Variants in ASB4 observed in about 807,000 individuals in gnomAD.
ASB4 encodes the protein ankyrin repeat and SOCS box protein 4.
In ASB4, 35 loss-of-function variants were observed where a neutral mutation model predicts 38.6. The ratio of observed to expected loss-of-function variants is 0.91; its 90% CI spans 0.69 to 1.20. ASB4 has a LOEUF of 1.20. ASB4 is among the 50% of genes most tolerant of loss of function. The pLI is 0.00. For missense variants in ASB4, 557 were observed against 527.2 expected (o/e 1.06, Z -0.55); for synonymous variants, 195 against 201.3 (o/e 0.97, Z 0.26).
In ASB4 at chr7:95,538,256, C is replaced by T. The variant is rs138869176; in HGVS notation, c.*497C>T. The T allele has an allele frequency of 6.7e-3, 1,031 of 152,860 alleles. 17 individuals are homozygous for T. Among genetic ancestry groups the T allele is most frequent in the Admixed American group, 8.9e-3 (136 of 15,362 alleles). The allele number at this position is 152,860 out of a possible 1,614,324, so 9.5% of individuals were successfully genotyped here. A position where few individuals can be genotyped will look rare whatever the true frequency, so the allele number is the denominator to read the frequency against. On this transcript the variant is annotated 3_prime_UTR_variant, in exon 5 of 5. Transcript: ENST00000325885. ...GCAAACTCCTACTCCCCAAACCAAG[C>T]TACTCAAGTTTATTTCAGTGATGAA...
intron 1 of ASB4, among the ~76,000 whole-genome samples, chr7:95,495,381 A>T (rs924574868): frequency 2.0e-5 from 3 of 152,250 alleles, no homozygotes; most frequent in Admixed American, 6.5e-5. Context: ...AAAGTTTTTT[A>T]AAAAAATATC....
intron 1 of ASB4, among the ~76,000 whole-genome samples, chr7:95,487,135 A>G (rs1023213865): frequency 2.6e-5 from 4 of 152,216 alleles, no homozygotes; most frequent in Admixed American, 1.3e-4. Flanking sequence ...TGCTAATGGT[A>G]CAGTATATAT....
At chr7:95,523,785 T>A (rs1790696565) in intron 2 of ASB4, among the ~76,000 whole-genome samples, 1 of 152,194 alleles carries the variant, frequency 6.6e-6, no homozygotes, top group African/African-American at 2.4e-5. Flanking sequence ...GTAAACTTAC[T>A]CTAAGGAGTA....
chr7:95,518,039 A>T (rs904167006), intron 2 of ASB4, among the ~76,000 whole-genome samples: 6 of 152,190 alleles, frequency 3.9e-5, no homozygotes, highest in Non-Finnish European at 1.5e-5. Flanking sequence ...CTTAAATTGG[A>T]GGAGAGACCC....
At chr7:95,500,283 T>A (rs1455859690) in intron 2 of ASB4, among the ~76,000 whole-genome samples, 1 of 152,102 alleles carries the variant, frequency 6.6e-6, no homozygotes, top group African/African-American at 2.4e-5. Context: ...AGATGCCATG[T>A]GGCTAGGAGC....
chr7:95,525,687 A>G (rs1245387096), intron 2 of ASB4, among the ~76,000 whole-genome samples: 2 of 152,216 alleles, frequency 1.3e-5, no homozygotes, highest in African/African-American at 4.8e-5. Flanking sequence ...GTGACCCTGC[A>G]CATGGCTTCT....
At chr7:95,545,540 T>C in the ASB4 span, among the ~76,000 whole-genome samples, 3 of 152,232 alleles carry the variant, frequency 2.0e-5, no homozygotes, top group Non-Finnish European at 4.4e-5. Context: ...CCTGTTTTTC[T>C]TTCTGTCTCT....
chr7:95,493,689 C>T (rs1042069079), intron 1 of ASB4, among the ~76,000 whole-genome samples: 1 of 152,012 alleles, frequency 6.6e-6, no homozygotes, highest in Non-Finnish European at 1.5e-5. Flanking sequence ...CCTGATCCCC[C>T]AACCCCCCAG....
chr7:95,545,194 G>T (rs1791017009), downstream of ASB4, among the ~76,000 whole-genome samples: 1 of 152,200 alleles, frequency 6.6e-6, no homozygotes, highest in Admixed American at 6.5e-5. Flanking sequence ...TTTTCTCCCT[G>T]CTGTGAATCA....
At chr7:95,471,445 T>A in the ASB4 span, among the ~76,000 whole-genome samples, 1 of 152,192 alleles carries the variant, frequency 6.6e-6, no homozygotes, top group Admixed American at 6.5e-5. Flanking sequence ...ACCTCTATTT[T>A]TCCAGACTCC....
intron 2 of ASB4, among the ~76,000 whole-genome samples, chr7:95,509,509 G>A (rs957550418): frequency 3.9e-5 from 6 of 152,130 alleles, no homozygotes; most frequent in Non-Finnish European, 7.3e-5. Flanking sequence ...ACTGAAAAGG[G>A]CACATTCATG....
upstream of ASB4, among the ~76,000 whole-genome samples, chr7:95,477,210 A>G (rs1789985421): frequency 6.6e-6 from 1 of 152,110 alleles, no homozygotes; most frequent in East Asian, 1.9e-4. Flanking sequence ...CTAAAAGACA[A>G]CTAGCAGCAC....
At chr7:95,518,392 A>G (rs774357093) in intron 2 of ASB4, among the ~76,000 whole-genome samples, 15 of 152,382 alleles carry the variant, frequency 9.8e-5, no homozygotes, top group South Asian at 2.1e-4. Flanking sequence ...TGGCGAAGCC[A>G]TAAGACCAAG....
At chr7:95,522,287 T>C (rs1421154966) in intron 2 of ASB4, among the ~76,000 whole-genome samples, 1 of 152,148 alleles carries the variant, frequency 6.6e-6, no homozygotes. Context: ...ATTTTTTTTA[T>C]TTTGGAATAC....
At chr7:95,525,462 AGTTACACT>A (rs1214332021) in intron 2 of ASB4, among the ~76,000 whole-genome samples, 4 of 152,188 alleles carry the variant, frequency 2.6e-5, no homozygotes, top group Non-Finnish European at 5.9e-5. Flanking sequence ...TTCCTGGAAA[AGTTACACT>A]GGCGACACAA....
chr7:95,518,961 G>A (rs2116630873), intron 2 of ASB4, among the ~76,000 whole-genome samples: 1 of 152,282 alleles, frequency 6.6e-6, no homozygotes, highest in Non-Finnish European at 1.5e-5. Context: ...AATTTCACGG[G>A]ATGACATAAA....
chr7:95,511,671 A>AAAAAAAT (rs1554348875), intron 2 of ASB4, among the ~76,000 whole-genome samples: 4 of 152,074 alleles, frequency 2.6e-5, no homozygotes, highest in African/African-American at 9.7e-5. Context: ...TCAAAAAAAA[A>AAAAAAAT]AAATAAATAA....
At chr7:95,506,973 G>A (rs1790418794) in intron 2 of ASB4, among the ~76,000 whole-genome samples, 1 of 151,560 alleles carries the variant, frequency 6.6e-6, no homozygotes, top group Admixed American at 6.6e-5. Context: ...TTCTCTACTT[G>A]CTGGGAGATC....
At chr7:95,512,977 A>G (rs1243257010) in intron 2 of ASB4, among the ~76,000 whole-genome samples, 1 of 152,210 alleles carries the variant, frequency 6.6e-6, no homozygotes, top group Non-Finnish European at 1.5e-5. Context: ...TGAGGAGATT[A>G]TCTTGGATTA....
Sources: gnomAD v4.1 joint callset for allele counts (sites outside exome capture counted in the v4.1 genomes callset) on GRCh38, gnomAD v4.1.1 for gene constraint, MANE v1.5 for transcripts, NCBI Gene and HGNC (gene_info 2026-07-23, HGNC 2026-07-21) for gene names.